The following SEPTIN6 variants were observed in gnomAD, a reference collection of about 807,000 sequenced individuals.
SEPTIN6 encodes the protein septin 6, also known as septin-6.
A neutral mutation model predicts 33.6 loss-of-function variants in SEPTIN6; 8 were observed. The observed-to-expected ratio is 0.24, with a 90% confidence interval of 0.14 to 0.43. The LOEUF is 0.43. SEPTIN6 is among the 20% of genes least tolerant of loss of function. The probability of loss-of-function intolerance (pLI) is 1.00; values close to 1 mark genes in which losing one functional copy is unlikely to be tolerated. For missense variants in SEPTIN6, 250 were observed against 340.8 expected, an observed-to-expected ratio of 0.73 and a Z score of 2.10; for synonymous variants, 131 against 140.0, an observed-to-expected ratio of 0.94 and a Z score of 0.45.
At chrX:119,654,501 T>C (rs1479325878) in intron 3 of SEPTIN6, among the ~76,000 whole-genome samples, 2 of 111,131 alleles carry the variant, frequency 1.8e-5, no homozygotes, top group East Asian at 5.7e-4. Flanking sequence ...GAAGGGAACA[T>C]GATGATCAAA....
At chrX:119,686,505 A>C (rs2055058241) in intron 1 of SEPTIN6, 1 of 682,299 alleles carries the variant, frequency 1.5e-6, no homozygotes. Context: ...ATAATTCAGC[A>C]GATGGCTGCC....
downstream of SEPTIN6, chrX:119,616,793 A>G: frequency 8.9e-7 from 1 of 1,122,372 alleles, no homozygotes; most frequent in Non-Finnish European, 1.2e-6. Flanking sequence ...CCAAAGAAAG[A>G]GGACATTCAA....
At chrX:119,623,322 G>A (rs750025017) in intron 10 of SEPTIN6, among the ~76,000 whole-genome samples, 2 of 111,825 alleles carry the variant, frequency 1.8e-5, no homozygotes, top group African/African-American at 6.5e-5. Context: ...TAATGGTGGG[G>A]TTGTGGTTAT....
chrX:119,641,053 A>T (rs1276551445), intron 5 of SEPTIN6, among the ~76,000 whole-genome samples: 4 of 112,621 alleles, frequency 3.6e-5, no homozygotes, highest in Admixed American at 2.8e-4. Context: ...AAATAAGCAG[A>T]ATAATAAGCA....
chrX:119,621,800 TAAA>T (rs66515149), intron 10 of SEPTIN6, among the ~76,000 whole-genome samples: 23 of 87,367 alleles, frequency 2.6e-4, no homozygotes, highest in African/African-American at 3.0e-4. Context: ...CCAACTCTCT[TAAA>T]AAAAAAAAAA....
chrX:119,642,867 C>T (rs1408858132), intron 5 of SEPTIN6, among the ~76,000 whole-genome samples: 1 of 111,037 alleles, frequency 9.0e-6, no homozygotes, highest in Non-Finnish European at 1.9e-5. Flanking sequence ...TGCTATCAGA[C>T]GATCGTCTCA....
chrX:119,649,111 ATTTTTTT>A (rs200217501), intron 5 of SEPTIN6, among the ~76,000 whole-genome samples: 1 of 75,716 alleles, frequency 1.3e-5, no homozygotes, highest in African/African-American at 5.6e-5. Flanking sequence ...CATAACGCTG[ATTTTTTT>A]TTTTTTTTTT....
At chrX:119,651,548 A>G (rs1388726068) in intron 4 of SEPTIN6, among the ~76,000 whole-genome samples, 4 of 111,825 alleles carry the variant, frequency 3.6e-5, no homozygotes, top group East Asian at 5.6e-4. Flanking sequence ...GTGCATGCCT[A>G]TAATCCCAGC....
chrX:119,635,040 A>G (rs1029806569), intron 7 of SEPTIN6: 32 of 264,544 alleles, frequency 1.2e-4, no homozygotes, highest in African/African-American at 9.0e-4. Context: ...AAGAAAAGAA[A>G]AGAAGAAGTG....
Position 119,649,487 on chromosome X carries a change from T to TAA in SEPTIN6, c.690+448_690+449dup, listed in dbSNP as rs550577767. On this transcript the variant is annotated intron_variant, in intron 5 of 10. Coordinates refer to ENST00000394610, the MANE Select transcript of SEPTIN6 (RefSeq NM_145799.4). ...TGGGCAATGGAATGAGATCCTGTCTTAAAAAAAAAAAAAAAAAGTAAAAGA... is the reference window on the plus strand; with the variant it reads ...TGGGCAATGGAATGAGATCCTGTCTTAAAAAAAAAAAAAAAAAAAGTAAAAGA... Among the ~76,000 whole-genome samples the TAA allele has an allele frequency of 4.3e-3, 352 of 81,078 alleles. 4 individuals are homozygous for TAA. The East Asian group carries it at 0.053, about 12-fold the overall frequency. 70.4% of individuals were successfully genotyped at this position (81,078 alleles called of 115,157 possible). A position where few individuals can be genotyped will look rare whatever the true frequency, so the allele number is the denominator to read the frequency against.
Position 119,637,520 on chromosome X carries a change from T to C in SEPTIN6, c.788-325A>G, listed in dbSNP as rs958330182. On this transcript the variant is annotated intron_variant, in intron 6 of 10. Coordinates refer to ENST00000394610, the MANE Select transcript of SEPTIN6 (RefSeq NM_145799.4). ...ACAACAGCATATATGCATCTGTCCA[T>C]CCATCCATCCATCCATCCACTCATC... Among the ~76,000 whole-genome samples, 4 of 110,969 alleles carry C rather than the reference T, an allele frequency of 3.6e-5. No individual in the cohort carries two copies. The East Asian group carries it at 1.1e-3, about 31-fold the overall frequency.
chrX:119,657,132 T>C (rs2054459249), intron 3 of SEPTIN6, among the ~76,000 whole-genome samples: 1 of 105,776 alleles, frequency 9.5e-6, no homozygotes, highest in Non-Finnish European at 1.9e-5. Flanking sequence ...GGCAGGAGAA[T>C]TGCTTGAACC....
At chrX:119,650,434 C>T (rs1569429691) in intron 4 of SEPTIN6, among the ~76,000 whole-genome samples, 1 of 101,154 alleles carries the variant, frequency 9.9e-6, no homozygotes, top group Non-Finnish European at 1.9e-5. Context: ...AACTGGGATT[C>T]AAATCCAAAC....
chrX:119,648,391 GT>G (rs1462222484), intron 5 of SEPTIN6, among the ~76,000 whole-genome samples: 4 of 111,723 alleles, frequency 3.6e-5, no homozygotes, highest in African/African-American at 1.3e-4. Flanking sequence ...CCAGACATCA[GT>G]GCCCGTGGCA....
intron 3 of SEPTIN6, 34 bp downstream of exon 3, chrX:119,663,448 T>TGG: frequency 1.3e-5 from 10 of 751,045 alleles, no homozygotes; most frequent in African/African-American, 2.1e-5. Context: ...TCTACCAACC[T>TGG]CCCCACCCTA....
intron 6 of SEPTIN6, among the ~76,000 whole-genome samples, chrX:119,638,028 G>A (rs903647837): frequency 8.9e-6 from 1 of 111,828 alleles, no homozygotes; most frequent in African/African-American, 3.2e-5. Context: ...GCAAGGTTAT[G>A]TAGCTAGTAA....
chrX:119,634,084 A>G (rs1254534984), intron 7 of SEPTIN6, among the ~76,000 whole-genome samples: 1 of 111,922 alleles, frequency 8.9e-6, no homozygotes, highest in Non-Finnish European at 1.9e-5. Context: ...AATAGGAGAT[A>G]GGCTGGGTGC....
chrX:119,670,811 G>C (rs777786481), intron 2 of SEPTIN6, among the ~76,000 whole-genome samples: 1 of 108,617 alleles, frequency 9.2e-6, no homozygotes, highest in African/African-American at 3.4e-5. Flanking sequence ...GGTGGTGCAC[G>C]CCCATAATCT....
intron 10 of SEPTIN6, chrX:119,624,157 GTTTTTTTT>G: frequency 4.8e-6 from 1 of 207,278 alleles, no homozygotes; most frequent in Admixed American, 5.6e-5. Flanking sequence ...TTTTTTTTTT[GTTTTTTTT>G]TTTGTTTGTT....
Sources: gnomAD v4.1 joint callset for allele counts (sites outside exome capture counted in the v4.1 genomes callset) on GRCh38, gnomAD v4.1.1 for gene constraint, MANE v1.5 for transcripts, NCBI Gene and HGNC (gene_info 2026-07-23, HGNC 2026-07-21) for gene names.